Variants in ARCN1 observed in about 807,000 individuals in gnomAD.
ARCN1 encodes coatomer subunit delta.
ARCN1 carries 5 observed loss-of-function variants against 60.4 expected under a neutral mutation model. The observed-to-expected ratio is 0.08, with a 90% CI of 0.04 to 0.17. ARCN1 has a LOEUF of 0.17. Among genes scored for constraint, ARCN1 ranks in the 10% least tolerant of loss-of-function variants. ARCN1 has a pLI of 1.00. For missense variants in ARCN1, 464 were observed against 626.5 expected, an observed-to-expected ratio of 0.74 and a Z score of 2.77; for synonymous variants, 224 against 220.0, an observed-to-expected ratio of 1.02 and a Z score of -0.16.
intron 6 of ARCN1, among the ~76,000 whole-genome samples, chr11:118,592,311 T>G (rs371559571): frequency 4.6e-5 from 7 of 152,338 alleles, no homozygotes; most frequent in African/African-American, 1.7e-4. Context: ...CTACTTTATA[T>G]AAGGCCAGAA....
intron 5 of ARCN1, among the ~76,000 whole-genome samples, chr11:118,588,439 C>T (rs1555075787): frequency 6.6e-6 from 1 of 152,116 alleles, no homozygotes; most frequent in Non-Finnish European, 1.5e-5. Context: ...GAGCTAGGAA[C>T]CATGGATGAA....
rs1938966082 is a variant in ARCN1 at position 118,593,796 on chromosome 11, A to C, written c.1241+98A>C. On this transcript the variant is annotated intron_variant, in intron 8 of 9. Coordinates refer to ENST00000264028, the MANE Select transcript of ARCN1 (RefSeq NM_001655.5). ...ACCTACCTGACCTGACTGTCCATTC[A>C]AAGATACTTCTTTAAAAAGCTAGTT... The C allele has an allele frequency of 4.6e-6, 3 of 657,156 alleles. No individual in the cohort carries two copies. In the African/African-American group the frequency reaches 5.5e-5, roughly 12 times the overall value. 40.7% of individuals were successfully genotyped at this position (657,156 alleles called of 1,614,324 possible).
chr11:118,584,169 G>A (rs1211991190), intron 4 of ARCN1, among the ~76,000 whole-genome samples, 155 bp downstream of exon 4: 6 of 152,220 alleles, frequency 3.9e-5, no homozygotes, highest in Admixed American at 3.9e-4. Flanking sequence ...TGAGGATAAA[G>A]AAGAAATCTG....
Position 118,601,557 on chromosome 11 carries a change from C to G in ARCN1, c.*843C>G. On this transcript the variant is annotated 3_prime_UTR_variant, in exon 10 of 10. Transcript: ENST00000264028. ...TTATATTTATTTGGCACTCCTGGAA[C>G]AAGTATATCTAACCCATTCTTGATT... is the stretch of plus-strand genomic sequence containing the variant. 1 of 684,578 alleles carries G rather than the reference C, an allele frequency of 1.5e-6. No homozygotes were observed. Among genetic ancestry groups the G allele is most frequent in the Non-Finnish European group, 2.7e-6 (1 of 375,238 alleles). The allele number at this position is 684,578 out of a possible 1,614,324, so 42.4% of individuals were successfully genotyped here.
intron 5 of ARCN1, among the ~76,000 whole-genome samples, chr11:118,589,530 C>T (rs148583261): frequency 1.8e-3 from 274 of 152,110 alleles, no homozygotes; most frequent in African/African-American, 5.8e-3. Context: ...CCTGAGTTCA[C>T]GTCATTCTCC....
chr11:118,580,818 C>T (rs567624633), intron 1 of ARCN1, among the ~76,000 whole-genome samples: 17 of 152,138 alleles, frequency 1.1e-4, no homozygotes, highest in African/African-American at 7.2e-5. Flanking sequence ...CCACTGTGCC[C>T]GTGAAAGTCA....
In ARCN1 at chr11:118,579,792, ATTAC is replaced by A. The variant is rs782057714; in HGVS notation, c.4-1451_4-1448del. On this transcript the variant is annotated intron_variant, in intron 1 of 9. Transcript: ENST00000264028. ...ATAAATAAAGTTTAATTTAGAAATA[ATTAC>A]TTTTTTCCATTTTCATATTAATAAA... Among the ~76,000 whole-genome samples the A allele has an allele frequency of 1.0e-3, 151 of 151,542 alleles. 4 individuals are homozygous for A. The East Asian group carries it at 0.012, about 12-fold the overall frequency.
chr11:118,581,473 A>G lies in ARCN1; in HGVS notation c.231A>G (p.Leu77=). Residue 77 remains leucine, a synonymous_variant, in exon 2 of 10, where the codon TTA becomes TTG. Coordinates refer to ENST00000264028, the MANE Select transcript of ARCN1 (RefSeq NM_001655.5). Reference sequence around the variant, plus strand: ...TCACTACCAAAAACAGCAACATTTTAGAAGATTTGGAGACCCTAAGGCTCT... The same window carrying G: ...TCACTACCAAAAACAGCAACATTTTGGAAGATTTGGAGACCCTAAGGCTCT... ...VLITTKNSNI[L]EDLETLRLFS... 1 of 1,614,228 alleles carries G rather than the reference A, an allele frequency of 6.2e-7. No individual in the cohort carries two copies. The highest frequency in any genetic ancestry group is 8.5e-7 in the Non-Finnish European group (1 of 1,180,034).
At chr11:118,578,621 G>T (rs1239795379) in intron 1 of ARCN1, among the ~76,000 whole-genome samples, 5 of 152,072 alleles carry the variant, frequency 3.3e-5, no homozygotes, top group African/African-American at 1.2e-4. Context: ...TCGCATGAGG[G>T]GATTTTCTAT....
At chr11:118,576,449 A>AC (rs1555073619) in intron 1 of ARCN1, among the ~76,000 whole-genome samples, 4 of 145,296 alleles carry the variant, frequency 2.8e-5, no homozygotes, top group South Asian at 2.1e-4. Flanking sequence ...AAAAAAAAAA[A>AC]CCAAAAACTT....
In ARCN1 at chr11:118,581,138, A is replaced by G. The variant is rs114878181; in HGVS notation, c.4-108A>G. ...CTGTCTTAAAAATAATACTACTACTAGTCATGTCACTAAATAAATATGTCA... is the reference window on the plus strand; with the variant it reads ...CTGTCTTAAAAATAATACTACTACTGGTCATGTCACTAAATAAATATGTCA... On this transcript the variant is annotated intron_variant, in intron 1 of 9. Transcript: ENST00000264028. The G allele has an allele frequency of 1.2e-3, 1,635 of 1,382,914 alleles. 19 individuals carry two copies. In the African/African-American group the frequency reaches 0.02, roughly 17 times the overall value. 85.7% of individuals were successfully genotyped at this position (1,382,914 alleles called of 1,614,324 possible). A position where few individuals can be genotyped will look rare whatever the true frequency, so the allele number is the denominator to read the frequency against.
chr11:118,583,828 A>T lies in ARCN1; in HGVS notation c.467A>T (p.Lys156Met). The change falls in exon 4 of 10, where the codon AAG becomes ATG. Residue 156 changes from lysine to methionine, a missense_variant. By Grantham distance (95) the Lys-to-Met change is moderately conservative. Around this residue, in one of 2 missense-constraint regions of ARCN1, gnomAD observed 359 missense variants for 440.2 expected, o/e 0.82. Coordinates refer to ENST00000264028, the MANE Select transcript of ARCN1 (RefSeq NM_001655.5). ...CTGTAGACTCAAGAACGTGAAGCTA[A>T]GGCTGAGATGCGTCGTAAAGCAAAG... ...AVRETQEREAKAEMRRKAKEL... is the reference protein window; with the variant it reads ...AVRETQEREAMAEMRRKAKEL... 6.2e-7 allele frequency: 1 copy of T among 1,614,220 alleles called. No individual in the cohort carries two copies. The highest frequency in any genetic ancestry group is 8.5e-7 in the Non-Finnish European group (1 of 1,180,034).
intron 4 of ARCN1, 53 bp downstream of exon 4, chr11:118,584,067 C>T (rs895316758): frequency 4.6e-6 from 7 of 1,511,264 alleles, no homozygotes; most frequent in Middle Eastern, 2.0e-4. Flanking sequence ...ATGTGTCTAT[C>T]TTTGAAGTCA....
intron 1 of ARCN1, chr11:118,573,769 T>G (rs1938415189): frequency 1.6e-6 from 1 of 635,538 alleles, no homozygotes; most frequent in Admixed American, 2.4e-5. Flanking sequence ...ACTGAACAGC[T>G]TTTCTCAGCC....
At chr11:118,583,774 A>C in intron 3 of ARCN1, 35 bp from the exon 4 acceptor site, 1 of 1,596,888 alleles carries the variant, frequency 6.3e-7, no homozygotes, top group Non-Finnish European at 8.5e-7. Flanking sequence ...AAACCCAAAA[A>C]AAAAAGCTAC....
At chr11:118,597,663 C>G (rs782440835) in intron 8 of ARCN1, 44 bp from the exon 9 acceptor site, 6 of 1,600,372 alleles carry the variant, frequency 3.7e-6, no homozygotes, top group Admixed American at 1.7e-5. Flanking sequence ...TGGTGGAGTT[C>G]TAGCTCTGAA....
intron 8 of ARCN1, among the ~76,000 whole-genome samples, chr11:118,594,542 A>G (rs1401182717): frequency 2.0e-5 from 3 of 152,024 alleles, no homozygotes; most frequent in African/African-American, 7.2e-5. Flanking sequence ...GTTTTTATTT[A>G]TTTATTTATT....
At chr11:118,577,341 G>C (rs1261099963) in intron 1 of ARCN1, among the ~76,000 whole-genome samples, 2 of 151,902 alleles carry the variant, frequency 1.3e-5, no homozygotes, top group African/African-American at 4.8e-5. Context: ...CCGCCTCCCA[G>C]GTTCAAGCAA....
intron 1 of ARCN1, among the ~76,000 whole-genome samples, chr11:118,579,549 G>A (rs1021668343): frequency 2.4e-4 from 36 of 151,454 alleles, no homozygotes; most frequent in Admixed American, 8.6e-4. Context: ...TTAGCCGGGC[G>A]TGGTGGCAGG....
Sources: gnomAD v4.1 joint callset for allele counts (sites outside exome capture counted in the v4.1 genomes callset) on GRCh38, gnomAD v4.1.1 for gene constraint, gnomAD v4.1.1 regional missense constraint, MANE v1.5 for transcripts, NCBI Gene and HGNC (gene_info 2026-07-23, HGNC 2026-07-21) for gene names.